Variants in PDE4D observed in about 807,000 individuals in gnomAD.
The protein encoded by PDE4D is phosphodiesterase 4D.
A neutral mutation model predicts 87.4 loss-of-function variants in PDE4D; 24 were observed. The observed-to-expected ratio is 0.27, with a 90% CI of 0.20 to 0.39. The LOEUF (loss-of-function observed/expected upper bound fraction) is 0.39. Among genes scored for constraint, PDE4D ranks in the 10% least tolerant of loss-of-function variants. The pLI, the probability that PDE4D is intolerant of heterozygous loss-of-function variation, is 1.00. For missense variants in PDE4D, 714 were observed against 1,041.0 expected, an observed-to-expected ratio of 0.69 and a Z score of 4.32; for synonymous variants, 384 against 383.2, an observed-to-expected ratio of 1.00 and a Z score of -0.02.
At chr5:59,308,003 C>G (rs1314065981) in intron 1 of PDE4D, among the ~76,000 whole-genome samples, 1 of 151,766 alleles carries the variant, frequency 6.6e-6, no homozygotes, top group Non-Finnish European at 1.5e-5. Context: ...AAATGTGGCA[C>G]ATATACACCA....
At chr5:59,034,501 T>C (rs185622363) in intron 6 of PDE4D, among the ~76,000 whole-genome samples, 1 of 152,274 alleles carries the variant, frequency 6.6e-6, no homozygotes, top group East Asian at 1.9e-4. Flanking sequence ...AGATCCTATA[T>C]TTGTTATAAC....
intron 1 of PDE4D, among the ~76,000 whole-genome samples, chr5:60,257,879 T>C (rs891072014): frequency 1.3e-5 from 2 of 151,966 alleles, no homozygotes; most frequent in Admixed American, 6.6e-5. Context: ...CAAGCTGTTA[T>C]CAATTTGCTC....
chr5:60,321,732 G>A lies in PDE4D; in HGVS notation c.-89-136045C>T, dbSNP rs553012525. Among the ~76,000 whole-genome samples the A allele has an allele frequency of 3.9e-5, 6 of 152,170 alleles. No individual in the cohort carries two copies. In the East Asian group the frequency reaches 7.7e-4, roughly 20 times the overall value. On this transcript the variant is annotated intron_variant, in intron 1 of 16. Coordinates refer to the PDE4D transcript ENST00000502484. Reference sequence around the variant, plus strand: ...ACAGCCCCATCACAAAGTGAGCAAAGGACATGAACAGACATTTTTCAGAAG... The same window carrying A: ...ACAGCCCCATCACAAAGTGAGCAAAAGACATGAACAGACATTTTTCAGAAG...
intron 1 of PDE4D, among the ~76,000 whole-genome samples, chr5:60,194,137 AT>A (rs1198818139): frequency 6.6e-6 from 1 of 151,446 alleles, no homozygotes; most frequent in Non-Finnish European, 1.5e-5. Context: ...AAATCAAGCT[AT>A]TTGAAAAAAA....
At chr5:58,986,877 C>T (rs1437023541) in intron 11 of PDE4D, among the ~76,000 whole-genome samples, 1 of 152,038 alleles carries the variant, frequency 6.6e-6, no homozygotes, top group African/African-American at 2.4e-5. Flanking sequence ...TCTAAATCTA[C>T]TCTTAATTCT....
intron 1 of PDE4D, among the ~76,000 whole-genome samples, chr5:59,834,298 C>T (rs779790981): frequency 6.6e-6 from 1 of 151,982 alleles, no homozygotes; most frequent in Non-Finnish European, 1.5e-5. Context: ...CCCATCTTAC[C>T]CATCGAAAGA....
At chr5:59,665,458 A>C (rs1745926430) in intron 1 of PDE4D, among the ~76,000 whole-genome samples, 1 of 152,338 alleles carries the variant, frequency 6.6e-6, no homozygotes, top group Admixed American at 6.5e-5. Context: ...CTATCCAAAA[A>C]GTGATCTAAT....
At chr5:59,656,962 T>C (rs1405028069) in intron 1 of PDE4D, among the ~76,000 whole-genome samples, 2 of 152,190 alleles carry the variant, frequency 1.3e-5, no homozygotes, top group Non-Finnish European at 2.9e-5. Context: ...GAAAACATTG[T>C]CTTCTACAAT....
At chr5:60,131,860 T>G (rs1462896013) in intron 2 of PDE4D, among the ~76,000 whole-genome samples, 1 of 152,252 alleles carries the variant, frequency 6.6e-6, no homozygotes, top group African/African-American at 2.4e-5. Context: ...CCATCAGCAT[T>G]GGCTTATCTG....
intron 2 of PDE4D, among the ~76,000 whole-genome samples, chr5:60,152,990 C>T (rs1417508027): frequency 6.6e-6 from 1 of 152,014 alleles, no homozygotes; most frequent in East Asian, 1.9e-4. Context: ...TTGGATATGA[C>T]ATCAAAAGCA....
chr5:60,250,158 T>G (rs1748263007), intron 1 of PDE4D, among the ~76,000 whole-genome samples: 1 of 152,002 alleles, frequency 6.6e-6, no homozygotes, highest in Non-Finnish European at 1.5e-5. Context: ...AAGAGTTTTT[T>G]GCAGCATAGG....
chr5:59,276,675 C>G (rs1214048343), intron 1 of PDE4D, among the ~76,000 whole-genome samples: 1 of 151,946 alleles, frequency 6.6e-6, no homozygotes, highest in African/African-American at 2.4e-5. Flanking sequence ...AAGGCTGTTC[C>G]CTTGCACAAT....
intron 9 of PDE4D, among the ~76,000 whole-genome samples, chr5:58,990,525 A>T (rs1206258481): frequency 6.6e-6 from 1 of 152,150 alleles, no homozygotes; most frequent in Non-Finnish European, 1.5e-5. Context: ...GACTAAGATG[A>T]TGTCTAAATT....
intron 1 of PDE4D, among the ~76,000 whole-genome samples, chr5:59,227,560 C>G (rs2153514859): frequency 1.3e-5 from 2 of 152,204 alleles, no homozygotes; most frequent in Admixed American, 1.3e-4. Flanking sequence ...AAGCAAAAAC[C>G]AAACCGCCCC....
chr5:60,389,608 G>T (rs1175298930), intron 1 of PDE4D, among the ~76,000 whole-genome samples: 2 of 152,126 alleles, frequency 1.3e-5, no homozygotes, highest in Non-Finnish European at 2.9e-5. Context: ...GCTCATCTCT[G>T]TGCCATGTAA....
intron 1 of PDE4D, among the ~76,000 whole-genome samples, chr5:59,539,381 AC>A (rs1191843868): frequency 6.6e-6 from 1 of 151,612 alleles, no homozygotes; most frequent in South Asian, 2.1e-4. Flanking sequence ...CACCCACCCT[AC>A]CCCCCAAAAA....
At chr5:59,489,234 T>C (rs1439041954) in intron 1 of PDE4D, among the ~76,000 whole-genome samples, 2 of 147,754 alleles carry the variant, frequency 1.4e-5, no homozygotes, top group Non-Finnish European at 3.0e-5. Flanking sequence ...CACTGCACTC[T>C]AGCCTGGCGA....
intron 3 of PDE4D, among the ~76,000 whole-genome samples, chr5:59,984,526 C>A (rs541223561): frequency 7.2e-5 from 11 of 152,110 alleles, no homozygotes; most frequent in Non-Finnish European, 1.5e-4. Context: ...ACAGTTTGGG[C>A]ATACTCAAAA....
Position 60,289,490 on chromosome 5 carries a change from C to A in PDE4D, c.-89-103803G>T, listed in dbSNP as rs16877852. On this transcript the variant is annotated intron_variant, in intron 1 of 16. Transcript: ENST00000502484. ...TTCTGTTCTGTTTCTCTCATCACAG[C>A]CCCAAAGTAAAGAGTCTGTTTTGAA... Among the ~76,000 whole-genome samples the A allele has an allele frequency of 7.2e-3, 1,098 of 152,176 alleles. 29 individuals are homozygous for A. In the East Asian group the frequency reaches 0.085, roughly 12 times the overall value.
Sources: allele counts gnomAD v4.1 joint callset (sites outside exome capture counted in the v4.1 genomes callset), GRCh38; gene constraint gnomAD v4.1.1; transcripts MANE v1.5; gene names NCBI Gene and HGNC (gene_info 2026-07-23, HGNC 2026-07-21).